UBE2E2: variants seen among roughly 807,000 people sequenced by gnomAD.
UBE2E2 encodes ubiquitin conjugating enzyme E2 E2, also known as ubiquitin-conjugating enzyme E2 E2.
In UBE2E2, 6 loss-of-function variants were observed where a neutral mutation model predicts 24.7. The ratio of observed to expected loss-of-function variants is 0.24; its 90% CI spans 0.13 to 0.48. UBE2E2 has a LOEUF of 0.48. UBE2E2 is among the 20% of genes least tolerant of loss of function. The probability of loss-of-function intolerance (pLI) is 0.99; values close to 1 mark genes in which losing one functional copy is unlikely to be tolerated. For synonymous variants in UBE2E2, 104 were observed against 83.6 expected (o/e 1.24, Z -1.33); for missense variants, 169 against 245.0 (o/e 0.69, Z 2.07).
At position 23,422,450 on chromosome 3, in the gene UBE2E2, C is replaced by T. The variant is rs554448421; in HGVS notation, c.228-77158C>T. 2.0e-5 allele frequency among the ~76,000 whole-genome samples: 3 copies of T among 152,274 alleles called. No homozygotes were observed. In the South Asian group the frequency reaches 6.2e-4, roughly 32 times the overall value. On this transcript the variant is annotated intron_variant, in intron 3 of 5. Coordinates refer to ENST00000396703, the MANE Select transcript of UBE2E2 (RefSeq NM_152653.4). ...CAGTGTTGCCAGGACTACTATTTTT[C>T]AAGAGAAACCAAGATTCCATGTTTC...
chr3:23,472,853 G>C (rs776864428), intron 3 of UBE2E2, among the ~76,000 whole-genome samples: 11 of 151,694 alleles, frequency 7.3e-5, no homozygotes, highest in Non-Finnish European at 1.2e-4. Context: ...GGGTTTTGCT[G>C]TATTGCCTAT....
chr3:23,493,025 C>G (rs1699531758), intron 3 of UBE2E2, among the ~76,000 whole-genome samples: 2 of 151,970 alleles, frequency 1.3e-5, no homozygotes, highest in Admixed American at 1.3e-4. Flanking sequence ...GTACTATTAT[C>G]TCATTTTACT....
At chr3:23,254,263 C>CT (rs752302653) in intron 3 of UBE2E2, among the ~76,000 whole-genome samples, 23 of 152,186 alleles carry the variant, frequency 1.5e-4, no homozygotes, top group Non-Finnish European at 2.8e-4. Flanking sequence ...ACCAATCACA[C>CT]TTTATTAAAT....
chr3:23,325,099 A>G (rs1340108525), intron 3 of UBE2E2, among the ~76,000 whole-genome samples: 1 of 152,168 alleles, frequency 6.6e-6, no homozygotes, highest in Non-Finnish European at 1.5e-5. Flanking sequence ...CTTATGTACC[A>G]TCAGGAAACT....
At chr3:23,456,936 C>T (rs1698692831) in intron 3 of UBE2E2, among the ~76,000 whole-genome samples, 1 of 152,168 alleles carries the variant, frequency 6.6e-6, no homozygotes, top group African/African-American at 2.4e-5. Flanking sequence ...CTGTTTGTTA[C>T]CCACACAATG....
intron 4 of UBE2E2, among the ~76,000 whole-genome samples, chr3:23,500,196 C>G (rs1029536709): frequency 3.9e-4 from 59 of 152,082 alleles, no homozygotes; most frequent in African/African-American, 1.4e-3. Flanking sequence ...AGTTTTGGTG[C>G]CTCTAGAGTT....
chr3:23,217,597 G>A (rs1696512461), intron 3 of UBE2E2, among the ~76,000 whole-genome samples: 1 of 152,032 alleles, frequency 6.6e-6, no homozygotes, highest in African/African-American at 2.4e-5. Context: ...TGACATTTTA[G>A]TGGAAGAGGT....
intron 3 of UBE2E2, among the ~76,000 whole-genome samples, chr3:23,377,869 A>G (rs545999337): frequency 6.6e-6 from 1 of 152,314 alleles, no homozygotes; most frequent in East Asian, 1.9e-4. Flanking sequence ...CAAGTTTTCA[A>G]CAGCTTTTAT....
intron 3 of UBE2E2, among the ~76,000 whole-genome samples, chr3:23,295,545 T>A (rs909912874): frequency 4.6e-5 from 7 of 152,196 alleles, no homozygotes; most frequent in African/African-American, 1.7e-4. Context: ...AAAAAATGTT[T>A]AATGTAATCA....
At chr3:23,312,470 A>C (rs1288059658) in intron 3 of UBE2E2, among the ~76,000 whole-genome samples, 1 of 151,686 alleles carries the variant, frequency 6.6e-6, no homozygotes, top group Non-Finnish European at 1.5e-5. Flanking sequence ...GCTATCAAAT[A>C]CTGGATTTTT....
chr3:23,330,381 T>G (rs140380635), intron 3 of UBE2E2, among the ~76,000 whole-genome samples: 1 of 152,256 alleles, frequency 6.6e-6, no homozygotes, highest in Non-Finnish European at 1.5e-5. Flanking sequence ...CATTGAAAAA[T>G]AAAGAATCCT....
At chr3:23,325,530 A>T (rs7610971) in intron 3 of UBE2E2, among the ~76,000 whole-genome samples, 49,761 of 152,062 alleles carry the variant, frequency 0.33, 8,367 homozygotes, top group South Asian at 0.38. Flanking sequence ...ATGGGATAGC[A>T]TAAGTAATTT....
intron 3 of UBE2E2, among the ~76,000 whole-genome samples, chr3:23,332,978 C>T (rs1050867158): frequency 2.0e-5 from 3 of 152,084 alleles, no homozygotes; most frequent in African/African-American, 7.2e-5. Flanking sequence ...GTGATAAAAG[C>T]CTCTATTTTG....
chr3:23,262,734 G>C (rs1305487392), intron 3 of UBE2E2, among the ~76,000 whole-genome samples: 1 of 151,822 alleles, frequency 6.6e-6, no homozygotes, highest in Non-Finnish European at 1.5e-5. Context: ...TTGTTGATTG[G>C]TTCCTTTGTT....
chr3:23,429,902 A>G (rs1425044316), intron 3 of UBE2E2, among the ~76,000 whole-genome samples: 2 of 152,224 alleles, frequency 1.3e-5, no homozygotes, highest in East Asian at 1.9e-4. Context: ...TTTATTTGAG[A>G]TGGAGTCTCG....
rs577914929 is a variant in UBE2E2 at position 23,373,077 on chromosome 3, G to T, written c.228-126531G>T. Among the ~76,000 whole-genome samples the T allele has an allele frequency of 2.0e-5, 3 of 152,202 alleles. 1 individual carries two copies. Among genetic ancestry groups the T allele is most frequent in the African/African-American group, 7.2e-5 (3 of 41,540 alleles). ...TCTACAGCAGGATAGGAAGTCATGG[G>T]TAATTAAAGAGGGGCCTCTAAACTC... On this transcript the variant is annotated intron_variant, in intron 3 of 5. Transcript: ENST00000396703.
chr3:23,453,198 A>C (rs571688252), intron 3 of UBE2E2, among the ~76,000 whole-genome samples: 1 of 152,182 alleles, frequency 6.6e-6, no homozygotes, highest in Non-Finnish European at 1.5e-5. Context: ...TTTAATATAT[A>C]CCATTTTAAA....
intron 5 of UBE2E2, among the ~76,000 whole-genome samples, chr3:23,565,081 A>G (rs532189336): frequency 2.0e-5 from 3 of 152,296 alleles, no homozygotes; most frequent in Non-Finnish European, 1.5e-5. Flanking sequence ...ATATACACAC[A>G]CACACAGACA....
chr3:23,241,451 A>C (rs535646587), intron 3 of UBE2E2, among the ~76,000 whole-genome samples: 2 of 152,306 alleles, frequency 1.3e-5, no homozygotes, highest in East Asian at 3.9e-4. Context: ...GAGAGTGATC[A>C]GGGCCCCCTT....
Sources: gnomAD v4.1 joint callset for allele counts (sites outside exome capture counted in the v4.1 genomes callset) on GRCh38, gnomAD v4.1.1 for gene constraint, MANE v1.5 for transcripts, NCBI Gene and HGNC (gene_info 2026-07-23, HGNC 2026-07-21) for gene names.